Variants in KIAA1328 observed in about 807,000 individuals in gnomAD.
KIAA1328 encodes the protein protein hinderin.
KIAA1328 carries 52 observed loss-of-function variants against 68.1 expected under a neutral mutation model. The observed-to-expected ratio is 0.76, with a 90% confidence interval of 0.61 to 0.96. KIAA1328 has a LOEUF of 0.96. Among genes scored for constraint, KIAA1328 ranks in the 40% least tolerant of loss-of-function variants. KIAA1328 has a pLI of 0.00. For missense variants in KIAA1328, 641 were observed against 677.6 expected, an observed-to-expected ratio of 0.95 and a Z score of 0.60; for synonymous variants, 232 against 239.4, an observed-to-expected ratio of 0.97 and a Z score of 0.28.
intron 1 of KIAA1328, among the ~76,000 whole-genome samples, chr18:36,831,981 A>G (rs1364827897): frequency 6.6e-6 from 1 of 152,202 alleles, no homozygotes; most frequent in East Asian, 1.9e-4. Flanking sequence ...GTACAATTTA[A>G]CTACTATTTA....
At chr18:37,021,695 C>T (rs2054351300) in intron 6 of KIAA1328, among the ~76,000 whole-genome samples, 1 of 152,042 alleles carries the variant, frequency 6.6e-6, no homozygotes, top group South Asian at 2.1e-4. Context: ...TGGAACCCCC[C>T]TCCCTCTGTC....
chr18:37,124,312 T>C (rs1171337021), intron 7 of KIAA1328, among the ~76,000 whole-genome samples: 1 of 152,132 alleles, frequency 6.6e-6, no homozygotes, highest in East Asian at 1.9e-4. Context: ...CCACCTTGAC[T>C]TAATTCCCTC....
chr18:36,882,114 C>T (rs1032303937), intron 4 of KIAA1328, among the ~76,000 whole-genome samples: 3 of 152,086 alleles, frequency 2.0e-5, no homozygotes, highest in African/African-American at 7.2e-5. Context: ...TATTATCTGT[C>T]TTTTTTATTA....
chr18:37,148,754 C>T (rs553264716), intron 7 of KIAA1328, among the ~76,000 whole-genome samples: 10 of 152,242 alleles, frequency 6.6e-5, no homozygotes, highest in African/African-American at 1.4e-4. Context: ...TTGTTGGCTG[C>T]GTGAATGTCT....
rs141444890 is a variant in KIAA1328 at position 37,199,086 on chromosome 18, T to A, written c.1524-22931T>A. 2.7e-3 allele frequency among the ~76,000 whole-genome samples: 406 copies of A among 151,708 alleles called. 1 individual carries two copies. Among genetic ancestry groups the A allele is most frequent in the Non-Finnish European group, 3.1e-3 (213 of 67,652 alleles). ...AGAGATCAAGAAGACAGAGGACATG[T>A]TTTTTGTTTTTTAACTTTTAAGTTC... On this transcript the variant is annotated intron_variant, in intron 9 of 9. Coordinates refer to ENST00000280020, the MANE Select transcript of KIAA1328 (RefSeq NM_020776.3).
chr18:37,099,616 T>C lies in KIAA1328; in HGVS notation c.1232+32071T>C, dbSNP rs553199159. 3.3e-5 allele frequency among the ~76,000 whole-genome samples: 5 copies of C among 152,290 alleles called. 1 individual carries two copies. In the South Asian group the frequency reaches 1.0e-3, roughly 32 times the overall value. On this transcript the variant is annotated intron_variant, in intron 7 of 9. Transcript: ENST00000280020. ...CTGCTTGGTGCAGAGCTGAGTTCAA[T>C]TCCTGGGTATCCTTGTTAACTTTCT...
intron 4 of KIAA1328, among the ~76,000 whole-genome samples, chr18:36,852,698 G>GT (rs1336095041): frequency 6.6e-6 from 1 of 152,040 alleles, no homozygotes; most frequent in East Asian, 1.9e-4. Flanking sequence ...AGTTTCTTTT[G>GT]TTTTTTGTTA....
intron 5 of KIAA1328, chr18:36,924,834 A>G (rs552125193): frequency 2.0e-5 from 3 of 152,202 alleles, no homozygotes; most frequent in African/African-American, 7.2e-5. Context: ...CCCAAAGAAG[A>G]TAACATTTCA....
chr18:37,169,221 A>G (rs946396329), intron 8 of KIAA1328, among the ~76,000 whole-genome samples: 2 of 149,842 alleles, frequency 1.3e-5, no homozygotes, highest in Non-Finnish European at 3.0e-5. Flanking sequence ...GCTGGAGTGC[A>G]GTGGCACGAT....
intron 5 of KIAA1328, among the ~76,000 whole-genome samples, chr18:36,944,174 A>G (rs1297788135): frequency 6.6e-6 from 1 of 152,236 alleles, no homozygotes; most frequent in African/African-American, 2.4e-5. Flanking sequence ...TCATGTTTGT[A>G]AAATGGGACT....
chr18:37,125,075 C>T (rs2058360130), intron 7 of KIAA1328, among the ~76,000 whole-genome samples: 1 of 152,118 alleles, frequency 6.6e-6, no homozygotes, highest in East Asian at 1.9e-4. Context: ...TGCCTGTAAT[C>T]CCAGCATTAT....
chr18:37,018,140 G>T (rs1205921602), intron 6 of KIAA1328, among the ~76,000 whole-genome samples: 7 of 152,054 alleles, frequency 4.6e-5, no homozygotes, highest in Non-Finnish European at 1.0e-4. Context: ...AGGCTCTCTT[G>T]GAAGGCTGGT....
Position 37,160,393 on chromosome 18 carries a change from A to T in KIAA1328, c.1414+12A>T, listed in dbSNP as rs540665863. 77 of 1,603,160 alleles carry T rather than the reference A, an allele frequency of 4.8e-5. 1 individual carries two copies. In the Admixed American group the frequency reaches 1.0e-3, roughly 21 times the overall value. ...TAGACCCCAAAGAGGTAAGTTTAAC[A>T]ACTGTAGTGGCAAAATGAGAAACTG... On this transcript the variant is annotated intron_variant, in intron 8 of 9. Coordinates refer to ENST00000280020, the MANE Select transcript of KIAA1328 (RefSeq NM_020776.3).
At chr18:37,160,824 A>G (rs2059264006) in intron 8 of KIAA1328, among the ~76,000 whole-genome samples, 1 of 152,204 alleles carries the variant, frequency 6.6e-6, no homozygotes, top group South Asian at 2.1e-4. Flanking sequence ...GCAAAACCTC[A>G]CAAGTCTAAA....
chr18:37,211,552 T>C (rs1352934003), intron 9 of KIAA1328, among the ~76,000 whole-genome samples: 4 of 152,218 alleles, frequency 2.6e-5, no homozygotes, highest in Admixed American at 1.3e-4. Context: ...GCCCACATTC[T>C]AGGCGATGGA....
intron 6 of KIAA1328, among the ~76,000 whole-genome samples, chr18:37,004,203 C>T (rs1035711774): frequency 6.6e-6 from 1 of 151,866 alleles, no homozygotes; most frequent in African/African-American, 2.4e-5. Context: ...CAATATTGAT[C>T]GTACCCATCC....
At chr18:37,072,412 G>T (rs1315769213) in intron 7 of KIAA1328, among the ~76,000 whole-genome samples, 2 of 133,346 alleles carry the variant, frequency 1.5e-5, no homozygotes, top group South Asian at 2.2e-4. Flanking sequence ...TTTCTCTTTT[G>T]CTTTTTAAAG....
chr18:37,036,265 T>C (rs575981287), intron 6 of KIAA1328, among the ~76,000 whole-genome samples: 7 of 152,314 alleles, frequency 4.6e-5, no homozygotes, highest in East Asian at 1.9e-4. Context: ...TAGAGACTTA[T>C]AGGAAAGAAG....
At chr18:37,214,738 G>T (rs1000387974) in intron 9 of KIAA1328, among the ~76,000 whole-genome samples, 5 of 152,124 alleles carry the variant, frequency 3.3e-5, no homozygotes, top group Non-Finnish European at 5.9e-5. Flanking sequence ...AATTACCTTG[G>T]GCAGTATGGC....
Sources: gnomAD v4.1 joint callset for allele counts (sites outside exome capture counted in the v4.1 genomes callset) on GRCh38, gnomAD v4.1.1 for gene constraint, MANE v1.5 for transcripts, NCBI Gene and HGNC (gene_info 2026-07-23, HGNC 2026-07-21) for gene names.